The following CERS3 variants were observed in gnomAD, a reference collection of about 807,000 sequenced individuals.
CERS3 encodes LAG1 homolog, ceramide synthase 3.
In CERS3, 33 loss-of-function variants were observed where a neutral mutation model predicts 50.3. That is an observed-to-expected ratio of 0.66 (90% CI 0.50 to 0.88). The LOEUF is 0.88. Ranked by LOEUF, CERS3 falls within the 40% of genes least tolerant of loss-of-function variation. The pLI is 0.00. For missense variants in CERS3, 470 were observed against 460.3 expected (o/e 1.02, Z -0.19); for synonymous variants, 176 against 155.2 (o/e 1.13, Z -0.99).
chr15:100,445,678 A>G (rs1022208776), intron 11 of CERS3, among the ~76,000 whole-genome samples: 7 of 151,998 alleles, frequency 4.6e-5, no homozygotes, highest in South Asian at 2.1e-4. Context: ...CCCTAATCCC[A>G]CTCGAAGCAG....
intron 11 of CERS3, among the ~76,000 whole-genome samples, chr15:100,413,013 A>G (rs2031606659): frequency 1.3e-5 from 2 of 152,126 alleles, no homozygotes; most frequent in Admixed American, 1.3e-4. Flanking sequence ...ATAAAAATGC[A>G]TAGATTTTTT....
upstream of CERS3, among the ~76,000 whole-genome samples, chr15:100,529,835 G>A (rs2036894619): frequency 6.6e-6 from 1 of 152,136 alleles, no homozygotes; most frequent in Non-Finnish European, 1.5e-5. Context: ...CTCATTAGCT[G>A]TCTTCAACTG....
chr15:100,542,843 A>G (rs2037234085), intron 1 of CERS3, among the ~76,000 whole-genome samples: 1 of 152,110 alleles, frequency 6.6e-6, no homozygotes, highest in South Asian at 2.1e-4. Context: ...CTGAAACCAC[A>G]TTTTCATAAA....
rs572484560 is a variant in CERS3 at position 100,431,305 on chromosome 15, T to A, written c.999+24588A>T. ...ATAAAATTGCAAGTATGTCTCACTT[T>A]ATATAATAAATGGTTCTTTAAAAAT... is the stretch of plus-strand genomic sequence containing the variant. On this transcript the variant is annotated intron_variant, in intron 11 of 11. Transcript: ENST00000679737. Among the ~76,000 whole-genome samples the A allele has an allele frequency of 6.6e-5, 10 of 152,284 alleles. No individual in the cohort carries two copies. In the East Asian group the frequency reaches 1.8e-3, roughly 27 times the overall value.
At chr15:100,485,623 C>G (rs1307107297) in intron 4 of CERS3, among the ~76,000 whole-genome samples, 1 of 152,148 alleles carries the variant, frequency 6.6e-6, no homozygotes, top group Non-Finnish European at 1.5e-5. Flanking sequence ...CGCCTGTAAT[C>G]CCAGCACTTT....
chr15:100,519,813 T>C (rs1184255301), intron 2 of CERS3, among the ~76,000 whole-genome samples: 1 of 152,226 alleles, frequency 6.6e-6, no homozygotes, highest in Admixed American at 6.5e-5. Flanking sequence ...CTGAAATTGC[T>C]CAGCCTTTGT....
chr15:100,416,555 G>A (rs1156396204), intron 11 of CERS3, among the ~76,000 whole-genome samples: 3 of 152,170 alleles, frequency 2.0e-5, no homozygotes, highest in Non-Finnish European at 4.4e-5. Context: ...CACATGGCTG[G>A]GGAGGCCTCA....
intron 11 of CERS3, among the ~76,000 whole-genome samples, chr15:100,418,664 T>C (rs896681435): frequency 1.5e-5 from 2 of 130,932 alleles, no homozygotes; most frequent in Non-Finnish European, 3.4e-5. Context: ...GGAAAAAATG[T>C]TAAGGGCAGC....
At chr15:100,479,373 A>G in intron 7 of CERS3, 55 bp downstream of exon 7, 1 of 1,333,028 alleles carries the variant, frequency 7.5e-7, no homozygotes, top group Non-Finnish European at 1.1e-6. Context: ...TAAGGAGATA[A>G]TTTGAGGGAT....
chr15:100,520,795 G>T (rs1361375702), intron 2 of CERS3, among the ~76,000 whole-genome samples: 1 of 152,132 alleles, frequency 6.6e-6, no homozygotes, highest in African/African-American at 2.4e-5. Flanking sequence ...GGGGAGGAGG[G>T]GAAGCTCTGT....
chr15:100,448,638 C>T (rs904898007), intron 11 of CERS3, among the ~76,000 whole-genome samples: 1 of 152,136 alleles, frequency 6.6e-6, no homozygotes, highest in African/African-American at 2.4e-5. Context: ...CAAACTGCAG[C>T]CTGTGCTGAA....
At chr15:100,449,927 C>A (rs2034091843) in intron 11 of CERS3, among the ~76,000 whole-genome samples, 1 of 151,880 alleles carries the variant, frequency 6.6e-6, no homozygotes, top group South Asian at 2.1e-4. Context: ...AAAAAGAACT[C>A]AATATAATTA....
chr15:100,538,686 G>T (rs1345302102), intron 1 of CERS3, among the ~76,000 whole-genome samples: 1 of 152,212 alleles, frequency 6.6e-6, no homozygotes, highest in Non-Finnish European at 1.5e-5. Context: ...AGGCCTCTGG[G>T]CTTATAATTG....
intron 11 of CERS3, among the ~76,000 whole-genome samples, chr15:100,430,818 A>C (rs2033092484): frequency 6.6e-6 from 1 of 152,204 alleles, no homozygotes; most frequent in African/African-American, 2.4e-5. Context: ...ACAGAAAAAA[A>C]CAAATTGAGT....
Position 100,408,318 on chromosome 15 carries a change from G to A in CERS3, c.1000-5453C>T, listed in dbSNP as rs140164375. On this transcript the variant is annotated intron_variant, in intron 11 of 11. Coordinates refer to ENST00000679737, the MANE Select transcript of CERS3 (RefSeq NM_001378789.1). ...AGGAAACCATGTCACTGACAGCAATGCTACTGATGACATTTGAGTTACCAG... is the reference window on the plus strand; with the variant it reads ...AGGAAACCATGTCACTGACAGCAATACTACTGATGACATTTGAGTTACCAG... Among the ~76,000 whole-genome samples, 565 of 152,242 alleles carry A rather than the reference G, an allele frequency of 3.7e-3. 3 individuals carry two copies. Among genetic ancestry groups the A allele is most frequent in the African/African-American group, 0.012 (492 of 41,534 alleles).
At chr15:100,436,922 T>G (rs1448845031) in intron 11 of CERS3, among the ~76,000 whole-genome samples, 17 of 151,176 alleles carry the variant, frequency 1.1e-4, no homozygotes, top group Admixed American at 1.1e-3. Context: ...CTATAGGAAG[T>G]AGCATCTGTT....
At chr15:100,489,522 C>T (rs1013783754) in intron 4 of CERS3, among the ~76,000 whole-genome samples, 8 of 152,104 alleles carry the variant, frequency 5.3e-5, no homozygotes, top group Non-Finnish European at 8.8e-5. Context: ...AGGATAGCAA[C>T]GAATTGGTAT....
chr15:100,440,408 C>T (rs1255179722), intron 11 of CERS3, among the ~76,000 whole-genome samples: 2 of 152,196 alleles, frequency 1.3e-5, no homozygotes, highest in African/African-American at 4.8e-5. Flanking sequence ...CTACTGAGCA[C>T]CTTGTGACCC....
intron 11 of CERS3, among the ~76,000 whole-genome samples, chr15:100,444,600 T>A (rs1182310316): frequency 1.3e-5 from 2 of 152,216 alleles, no homozygotes; most frequent in Non-Finnish European, 2.9e-5. Context: ...CGTGGAAATC[T>A]ATCCTCAAGG....
Sources: gnomAD v4.1 joint callset for allele counts (sites outside exome capture counted in the v4.1 genomes callset) on GRCh38, gnomAD v4.1.1 for gene constraint, MANE v1.5 for transcripts, NCBI Gene and HGNC (gene_info 2026-07-23, HGNC 2026-07-21) for gene names.